Variants in ENAH observed in about 807,000 individuals in gnomAD.
The protein encoded by ENAH is ENAH actin regulator, also known as protein enabled homolog.
A neutral mutation model predicts 78.7 loss-of-function variants in ENAH; 23 were observed. The observed-to-expected ratio is 0.29, with a 90% CI of 0.21 to 0.41. The LOEUF is 0.41. ENAH is among the 10% of genes least tolerant of loss of function. The probability of loss-of-function intolerance (pLI) is 1.00; values close to 1 mark genes in which losing one functional copy is unlikely to be tolerated. For synonymous variants in ENAH, 226 were observed against 241.0 expected, an observed-to-expected ratio of 0.94 and a Z score of 0.58; for missense variants, 544 against 691.0, an observed-to-expected ratio of 0.79 and a Z score of 2.39.
Position 225,495,999 on chromosome 1 carries a change from C to T in ENAH, c.*1776G>A, listed in dbSNP as rs1351769006. 2.0e-5 allele frequency: 3 copies of T among 152,456 alleles called. No homozygotes were observed. The highest frequency in any genetic ancestry group is 2.1e-4 in the South Asian group (1 of 4,832). 9.4% of individuals were successfully genotyped at this position (152,456 alleles called of 1,614,324 possible). A position where few individuals can be genotyped will look rare whatever the true frequency, so the allele number is the denominator to read the frequency against. ...CAAATTTGCAGCGTTTAGAAAACTA[C>T]ACTATCAACAAGCTTTGCTTTATGG... On this transcript the variant is annotated 3_prime_UTR_variant, in exon 14 of 14. Coordinates refer to ENST00000366843, the MANE Select transcript of ENAH (RefSeq NM_018212.6).
At chr1:225,540,077 T>C (rs941804574) in intron 3 of ENAH, among the ~76,000 whole-genome samples, 8 of 152,308 alleles carry the variant, frequency 5.3e-5, no homozygotes, top group Admixed American at 5.2e-4. Context: ...CTAAAGACTC[T>C]CGGGAGAAAA....
chr1:225,630,019 GA>G (rs1658711668), intron 1 of ENAH, among the ~76,000 whole-genome samples: 1 of 151,918 alleles, frequency 6.6e-6, no homozygotes. Flanking sequence ...GAAACAAACT[GA>G]AAAAGGAAAG....
chr1:225,639,510 T>C (rs377637293), intron 1 of ENAH, among the ~76,000 whole-genome samples: 1 of 152,120 alleles, frequency 6.6e-6, no homozygotes, highest in African/African-American at 2.4e-5. Context: ...TTTTTCTGTT[T>C]TGAGCATACA....
intron 2 of ENAH, among the ~76,000 whole-genome samples, chr1:225,560,270 T>A (rs938948710): frequency 2.0e-5 from 3 of 151,816 alleles, no homozygotes; most frequent in African/African-American, 7.3e-5. Context: ...GGCAGGTAGA[T>A]CACTTGAGGT....
rs1399532689 is a variant in ENAH, at chr1:225,511,797, T to C, written c.1471+14A>G. On this transcript the variant is annotated intron_variant, in intron 10 of 13. Coordinates refer to ENST00000366843, the MANE Select transcript of ENAH (RefSeq NM_018212.6). ...GAAAGTTTATAAAGGTTAAAATATT[T>C]ATCTTGAACTTACCAGGTGTACTTG... 1 of 1,585,806 alleles carries C rather than the reference T, an allele frequency of 6.3e-7. No homozygotes were observed. Among genetic ancestry groups the C allele is most frequent in the East Asian group, 2.2e-5 (1 of 44,642 alleles).
chr1:225,627,539 G>C (rs74700731), intron 1 of ENAH, among the ~76,000 whole-genome samples: 1 of 152,186 alleles, frequency 6.6e-6, no homozygotes, highest in Non-Finnish European at 1.5e-5. Flanking sequence ...ACTGTGCTGA[G>C]TGCTGTTATG....
At chr1:225,559,680 G>A (rs183811520) in intron 2 of ENAH, among the ~76,000 whole-genome samples, 109 of 152,214 alleles carry the variant, frequency 7.2e-4, no homozygotes, top group African/African-American at 2.5e-3. Flanking sequence ...TACAGCACCA[G>A]CAATATCCCA....
At chr1:225,610,113 T>C (rs1185627335) in intron 1 of ENAH, among the ~76,000 whole-genome samples, 1 of 151,864 alleles carries the variant, frequency 6.6e-6, no homozygotes, top group Non-Finnish European at 1.5e-5. Flanking sequence ...GAGGAAAGTA[T>C]TCACAGTATA....
chr1:225,514,847 G>T lies in ENAH; in HGVS notation c.967C>A (p.Pro323Thr), dbSNP rs762374867. ...PPPPPPLPPG[P>T]AQASVALPPP... ...GGGAGGGCTACTGAAGCCTGTGCAG[G>T]CCCTGGTGGGAGTGGTGGAGGAGGT... is the stretch of plus-strand genomic sequence containing the variant. Residue 323 changes from proline (P) to threonine (T), a missense_variant, in exon 7 of 14, where the codon CCT becomes ACT. Physicochemically the swap from Pro to Thr is conservative, Grantham distance 38. This residue lies in a region of ENAH where 366 missense variants were observed against 396.1 expected (regional missense o/e 0.92). Transcript: ENST00000366843. The T allele has an allele frequency of 1.9e-6, 3 of 1,601,834 alleles. No homozygotes were observed. In the South Asian group the frequency reaches 3.4e-5, roughly 18 times the overall value.
intron 1 of ENAH, among the ~76,000 whole-genome samples, chr1:225,630,416 A>C (rs1294936278): frequency 6.6e-6 from 1 of 152,228 alleles, no homozygotes; most frequent in Non-Finnish European, 1.5e-5. Context: ...CATTTGGAAC[A>C]AAAGTACTTC....
chr1:225,526,415 T>A (rs1306671172), intron 4 of ENAH, among the ~76,000 whole-genome samples: 1 of 152,010 alleles, frequency 6.6e-6, no homozygotes, highest in African/African-American at 2.4e-5. Flanking sequence ...CTCAGCTCAT[T>A]GCGACCTTGG....
chr1:225,504,718 C>T lies in ENAH; in HGVS notation c.1538+3233G>A, dbSNP rs543607302. ...GAAACCTTGTCTTATAATCATAAGG[C>T]GAACAGCCTTTAAAAGAAAACGCTT... On this transcript the variant is annotated intron_variant, in intron 11 of 13. Transcript: ENST00000366843. Among the ~76,000 whole-genome samples the T allele has an allele frequency of 5.3e-5, 8 of 152,196 alleles. No homozygotes were observed. The South Asian group carries it at 8.3e-4, about 16-fold the overall frequency.
intron 1 of ENAH, 150 bp from the exon 2 acceptor site, chr1:225,567,564 T>G (rs2096741025): frequency 4.0e-6 from 3 of 747,570 alleles, no homozygotes; most frequent in Non-Finnish European, 6.1e-6. Context: ...GCTTCCTGTC[T>G]TTATGTGTAC....
chr1:225,503,539 G>C (rs1437810635), intron 11 of ENAH, among the ~76,000 whole-genome samples: 1 of 151,424 alleles, frequency 6.6e-6, no homozygotes, highest in Non-Finnish European at 1.5e-5. Context: ...GCCTCCCAAA[G>C]TGCTGGGATT....
chr1:225,597,426 G>A (rs1038493024), intron 1 of ENAH, among the ~76,000 whole-genome samples: 21 of 152,218 alleles, frequency 1.4e-4, no homozygotes, highest in African/African-American at 4.3e-4. Flanking sequence ...TTGAGAGGCC[G>A]AGGCAGGAGG....
chr1:225,563,636 A>T (rs1271615202), intron 2 of ENAH, among the ~76,000 whole-genome samples: 2 of 152,184 alleles, frequency 1.3e-5, no homozygotes, highest in African/African-American at 4.8e-5. Context: ...TTGATCAAGA[A>T]GTGCTTTTGT....
intron 1 of ENAH, among the ~76,000 whole-genome samples, chr1:225,595,588 A>G (rs540853564): frequency 6.6e-6 from 1 of 152,272 alleles, no homozygotes; most frequent in African/African-American, 2.4e-5. Context: ...ACCCTTTAAG[A>G]ATTTTTATTC....
chr1:225,593,838 T>A (rs1364518311), intron 1 of ENAH, among the ~76,000 whole-genome samples: 1 of 152,202 alleles, frequency 6.6e-6, no homozygotes, highest in African/African-American at 2.4e-5. Context: ...TTATTACAAT[T>A]TTTTAAAGCT....
intron 1 of ENAH, among the ~76,000 whole-genome samples, chr1:225,616,527 T>C (rs921830744): frequency 6.6e-6 from 1 of 152,088 alleles, no homozygotes; most frequent in African/African-American, 2.4e-5. Flanking sequence ...TCTATGTTGA[T>C]GTATGGTTGA....
Sources: gnomAD v4.1 joint callset for allele counts (sites outside exome capture counted in the v4.1 genomes callset) on GRCh38, gnomAD v4.1.1 for gene constraint, gnomAD v4.1.1 regional missense constraint, MANE v1.5 for transcripts, NCBI Gene and HGNC (gene_info 2026-07-23, HGNC 2026-07-21) for gene names.